The following PCLO variants were observed in gnomAD, a reference collection of about 807,000 sequenced individuals.
The protein encoded by PCLO is protein piccolo.
Under a neutral mutation model 427.5 loss-of-function variants are expected in PCLO, and 82 were observed. That is an observed-to-expected ratio of 0.19 (90% CI 0.16 to 0.23). The LOEUF (loss-of-function observed/expected upper bound fraction) is 0.23, where lower values mean the gene tolerates loss of function less well. Ranked by LOEUF, PCLO falls within the 10% of genes least tolerant of loss-of-function variation. The probability of loss-of-function intolerance (pLI) is 1.00; values close to 1 mark genes in which losing one functional copy is unlikely to be tolerated. For missense variants in PCLO, 6,239 were observed against 6,115.9 expected (o/e 1.02, Z -0.67); for synonymous variants, 2,357 against 2,155.4 (o/e 1.09, Z -2.59).
chr7:82,950,152 T>C lies in PCLO; in HGVS notation c.10436A>G (p.Gln3479Arg). The C allele has an allele frequency of 6.2e-7, 1 of 1,610,962 alleles. No individual in the cohort carries two copies. Among genetic ancestry groups the C allele is most frequent in the South Asian group, 1.1e-5 (1 of 90,858 alleles). Residue 3479 changes from glutamine (Q) to arginine (R), a missense_variant, in exon 6 of 25, where the codon CAG (glutamine) becomes CGG (arginine). Transcript: ENST00000333891. ...TCTAGTAGGCATATCCCACTCATCC[T>C]GATCTTCATCATCAGTTTGGACGCT... ...DTSVQTDDED[Q>R]DEWDMPTRSR... is the part of the protein sequence containing the mutation.
chr7:83,039,022 T>C (rs1292801644), intron 3 of PCLO, among the ~76,000 whole-genome samples: 5 of 152,044 alleles, frequency 3.3e-5, no homozygotes, highest in African/African-American at 1.2e-4. Context: ...TTGTTTATTT[T>C]CTCTGGAGAA....
At chr7:82,899,443 GA>G (rs1306710887) in intron 9 of PCLO, among the ~76,000 whole-genome samples, 12 of 151,494 alleles carry the variant, frequency 7.9e-5, no homozygotes, top group South Asian at 2.1e-4. Context: ...ATTAAAAGTA[GA>G]AGTAGAATAT....
At chr7:82,795,108 A>C (rs1047425921) in intron 22 of PCLO, among the ~76,000 whole-genome samples, 2 of 152,080 alleles carry the variant, frequency 1.3e-5, no homozygotes, top group Non-Finnish European at 2.9e-5. Flanking sequence ...TAATCTCCTT[A>C]ATTAACCTGA....
rs747498481 is a variant in PCLO at position 82,956,026 on chromosome 7, G to C, written c.4927C>G (p.Leu1643Val). 6.2e-7 allele frequency: 1 copy of C among 1,613,158 alleles called. No individual in the cohort carries two copies. The highest frequency in any genetic ancestry group is 1.7e-5 in the Admixed American group (1 of 60,012). The change falls in exon 5 of 25, where the codon CTT (leucine) becomes GTT (valine). Residue 1643 changes from leucine (L) to valine (V), a missense_variant. Leu to Val is a conservative substitution (Grantham distance 32, BLOSUM62 1). Around this residue, in one of 5 missense-constraint regions of PCLO, gnomAD observed 4,677 missense variants for 4,468.4 expected, o/e 1.05. Coordinates refer to ENST00000333891, the MANE Select transcript of PCLO (RefSeq NM_033026.6). ...TGACTTTTAGTTTCTCTGTATTTAA[G>C]TTCAGGACTTTCATCAAATGCTTCA... ...DDEAFDESPELKYRETKSQES... is the reference protein window; with the variant it reads ...DDEAFDESPEVKYRETKSQES...
intron 3 of PCLO, among the ~76,000 whole-genome samples, chr7:83,038,083 ATCTT>A (rs1347822342): frequency 5.3e-5 from 4 of 76,002 alleles, no homozygotes; most frequent in African/African-American, 1.9e-4. Context: ...TTATATATAT[ATCTT>A]TATATATATA....
chr7:83,078,199 T>C (rs1229302067), intron 3 of PCLO, among the ~76,000 whole-genome samples: 2 of 152,056 alleles, frequency 1.3e-5, no homozygotes, highest in Admixed American at 1.3e-4. Flanking sequence ...TCAACAAACA[T>C]ATATTATTAA....
At chr7:82,789,273 T>C (rs1791049086) in intron 22 of PCLO, among the ~76,000 whole-genome samples, 1 of 152,180 alleles carries the variant, frequency 6.6e-6, no homozygotes, top group African/African-American at 2.4e-5. Context: ...TGCTTGTAAC[T>C]GTAAAAAATA....
At chr7:82,956,966 T>A in intron 4 of PCLO, 31 bp from the exon 5 acceptor site, 1 of 1,512,726 alleles carries the variant, frequency 6.6e-7, no homozygotes, top group Non-Finnish European at 8.8e-7. Flanking sequence ...ACAGGAAAAC[T>A]TAACATGGTT....
intron 20 of PCLO, among the ~76,000 whole-genome samples, chr7:82,818,105 C>A (rs1164773052): frequency 6.8e-6 from 1 of 147,674 alleles, no homozygotes; most frequent in African/African-American, 2.5e-5. Context: ...ACAACAACAA[C>A]CGAAAACATT....
intron 3 of PCLO, among the ~76,000 whole-genome samples, chr7:83,025,152 C>T (rs1309962063): frequency 2.0e-5 from 3 of 152,138 alleles, no homozygotes; most frequent in Admixed American, 1.3e-4. Context: ...GATCAAATTA[C>T]TCTGAGCTAC....
chr7:82,908,789 A>C, intron 8 of PCLO, 88 bp downstream of exon 8: 2 of 1,134,644 alleles, frequency 1.8e-6, no homozygotes, highest in Non-Finnish European at 2.5e-6. Flanking sequence ...CAAACATCTC[A>C]TTCCTTTTAG....
intron 2 of PCLO, among the ~76,000 whole-genome samples, chr7:83,146,456 A>G (rs1442580503): frequency 6.6e-6 from 1 of 152,226 alleles, no homozygotes; most frequent in African/African-American, 2.4e-5. Flanking sequence ...AACTAAGATT[A>G]AGATACCAAG....
chr7:82,802,334 G>A (rs1791371858), intron 21 of PCLO, among the ~76,000 whole-genome samples: 1 of 151,986 alleles, frequency 6.6e-6, no homozygotes, highest in South Asian at 2.1e-4. Flanking sequence ...CAATAAACAT[G>A]ACATATTAAC....
Position 83,150,018 on chromosome 7 carries a change from G to T in PCLO, c.1893+4730C>A, listed in dbSNP as rs1027982691. Among the ~76,000 whole-genome samples, 5 of 151,894 alleles carry T rather than the reference G, an allele frequency of 3.3e-5. No individual in the cohort carries two copies. In the East Asian group the frequency reaches 7.7e-4, roughly 23 times the overall value. On this transcript the variant is annotated intron_variant, in intron 2 of 24. Coordinates refer to ENST00000333891, the MANE Select transcript of PCLO (RefSeq NM_033026.6). ...AAAAAAAAAATGGCGAGAAAACTTC[G>T]CTTAAATCCATTTTAATCCCTAACA...
Position 82,754,553 on chromosome 7 carries a change from T to G in PCLO, c.*4022A>C, listed in dbSNP as rs1266160927. 2 of 152,108 alleles carry G rather than the reference T, an allele frequency of 1.3e-5. No homozygotes were observed. The highest frequency in any genetic ancestry group is 6.6e-5 in the Admixed American group (1 of 15,266). The allele number at this position is 152,108 out of a possible 1,614,324, so 9.4% of individuals were successfully genotyped here. On this transcript the variant is annotated 3_prime_UTR_variant, in exon 25 of 25. Transcript: ENST00000333891. Reference sequence around the variant, plus strand: ...CTAAATGCCAAATGAAATTAATATTTCAACTTCGTCTACTTTACCAAGTGT... The same window carrying G: ...CTAAATGCCAAATGAAATTAATATTGCAACTTCGTCTACTTTACCAAGTGT...
intron 2 of PCLO, among the ~76,000 whole-genome samples, chr7:83,152,039 A>C (rs765264274): frequency 3.3e-5 from 5 of 150,840 alleles, no homozygotes; most frequent in Non-Finnish European, 7.4e-5. Context: ...ATCTTGGCTC[A>C]CTGCAAGCTC....
At chr7:82,765,209 G>C (rs1041058582) in intron 22 of PCLO, among the ~76,000 whole-genome samples, 2 of 151,662 alleles carry the variant, frequency 1.3e-5, no homozygotes, top group Admixed American at 1.3e-4. Flanking sequence ...TTAAAGAAAT[G>C]ATCACATGAA....
At chr7:83,110,456 G>A (rs1254166939) in intron 3 of PCLO, among the ~76,000 whole-genome samples, 1 of 151,230 alleles carries the variant, frequency 6.6e-6, no homozygotes, top group African/African-American at 2.4e-5. Context: ...TTCCCTTTTT[G>A]CCTAATCGCT....
chr7:82,876,658 C>A (rs191273255), intron 10 of PCLO, among the ~76,000 whole-genome samples: 6 of 151,786 alleles, frequency 4.0e-5, no homozygotes, highest in Admixed American at 1.3e-4. Context: ...TTTTTGAGGG[C>A]GAGAAAAGAT....
Sources: gnomAD v4.1 joint callset for allele counts (sites outside exome capture counted in the v4.1 genomes callset) on GRCh38, gnomAD v4.1.1 for gene constraint, gnomAD v4.1.1 regional missense constraint, MANE v1.5 for transcripts, NCBI Gene and HGNC (gene_info 2026-07-23, HGNC 2026-07-21) for gene names.